Variants in TACO1 observed in about 807,000 individuals in gnomAD.
TACO1 encodes translational activator of cytochrome c oxidase 1.
TACO1 carries 13 observed loss-of-function variants against 24.0 expected under a neutral mutation model. The observed-to-expected ratio is 0.54, with a 90% confidence interval of 0.35 to 0.86. The LOEUF (loss-of-function observed/expected upper bound fraction) is 0.86. TACO1 is among the 40% of genes least tolerant of loss of function. The pLI is 0.01. For synonymous variants in TACO1, 149 were observed against 153.5 expected, an observed-to-expected ratio of 0.97 and a Z score of 0.22; for missense variants, 352 against 380.1, an observed-to-expected ratio of 0.93 and a Z score of 0.61.
In TACO1 at chr17:63,607,925, C is replaced by T; in HGVS notation, c.817C>T (p.Leu273=). ...AAAGGTGCAGCTGGCTGAGCCCGAC[C>T]TGGAACAGGCCGCACATCTCATTCA... ...NSKVQLAEPD[L]EQAAHLIQAL... is the part of the protein sequence containing the mutation. The change falls in exon 5 of 5, where the codon CTG becomes TTG. Residue 273 remains leucine (L), a synonymous_variant. Transcript: ENST00000258975. 1 of 1,614,232 alleles carries T rather than the reference C, an allele frequency of 6.2e-7. No individual in the cohort carries two copies.
intron 2 of TACO1, among the ~76,000 whole-genome samples, chr17:63,605,515 G>T (rs73333832): frequency 1.3e-5 from 2 of 152,172 alleles, no homozygotes; most frequent in African/African-American, 4.8e-5. Context: ...ACCACCGTAA[G>T]TAGAAACTGA....
intron 1 of TACO1, among the ~76,000 whole-genome samples, chr17:63,604,135 C>T (rs984235943): frequency 2.6e-5 from 4 of 151,320 alleles, no homozygotes; most frequent in Admixed American, 6.6e-5. Context: ...GTCAGGAGTT[C>T]GAGACCAGCC....
At chr17:63,607,737 G>A in intron 4 of TACO1, 65 bp from the exon 5 acceptor site, 1 of 1,448,824 alleles carries the variant, frequency 6.9e-7, no homozygotes, top group Non-Finnish European at 9.6e-7. Context: ...GACTTTGCAA[G>A]GTCCTGTGTG....
chr17:63,607,625 T>C (rs1176918280), intron 4 of TACO1, among the ~76,000 whole-genome samples, 161 bp downstream of exon 4: 1 of 152,168 alleles, frequency 6.6e-6, no homozygotes, highest in Non-Finnish European at 1.5e-5. Flanking sequence ...TAGGACCGAC[T>C]CTAGTGAGGA....
At chr17:63,605,203 G>C (rs781260293) in intron 2 of TACO1, among the ~76,000 whole-genome samples, 1 of 152,016 alleles carries the variant, frequency 6.6e-6, no homozygotes, top group Non-Finnish European at 1.5e-5. Flanking sequence ...AGGGAGATGA[G>C]GTATTATAGA....
At chr17:63,604,323 G>A (rs2147787497) in intron 1 of TACO1, among the ~76,000 whole-genome samples, 1 of 152,288 alleles carries the variant, frequency 6.6e-6, no homozygotes, top group Middle Eastern at 3.4e-3. Flanking sequence ...GCAACAGAGT[G>A]AGACTCCATC....
rs778960378 is a variant in TACO1, at chr17:63,604,550, T to G, written c.297T>G (p.Pro99=). 48 of 1,613,990 alleles carry G rather than the reference T, an allele frequency of 3.0e-5. No individual in the cohort carries two copies. Among genetic ancestry groups the G allele is most frequent in the Non-Finnish European group, 3.7e-5 (44 of 1,180,006 alleles). The stretch of plus-strand genomic sequence containing the variant: ...AAATCTCAGAAGGAGGCCCCAACCC[T>G]GAGCACAACAGCAACCTGGCCAATA... ...RLAVKEGGPN[P]EHNSNLANIL... The change falls in exon 2 of 5, where the codon CCT becomes CCG. Residue 99 remains proline, a synonymous_variant. Transcript: ENST00000258975.
At position 63,600,922 on chromosome 17, in the gene TACO1, G is replaced by A; in HGVS notation, c.-162G>A. The stretch of plus-strand genomic sequence containing the variant: ...TCCCGGGTGCCGCGGGGACAGTGTA[G>A]GGTCATTAGCTGTTGAGCCGCCCCG... On this transcript the variant is annotated 5_prime_UTR_variant, in exon 1 of 5. Coordinates refer to ENST00000258975, the MANE Select transcript of TACO1 (RefSeq NM_016360.4). 1.4e-6 allele frequency: 1 copy of A among 737,124 alleles called. No homozygotes were observed. Among genetic ancestry groups the A allele is most frequent in the Non-Finnish European group, 2.2e-6 (1 of 449,030 alleles). 45.7% of individuals were successfully genotyped at this position (737,124 alleles called of 1,614,324 possible).
rs547439996 is a variant in TACO1, at chr17:63,602,708, T to C, written c.280+1345T>C. Among the ~76,000 whole-genome samples, 4 of 151,972 alleles carry C rather than the reference T, an allele frequency of 2.6e-5. No homozygotes were observed. In the East Asian group the frequency reaches 5.8e-4, roughly 22 times the overall value. On this transcript the variant is annotated intron_variant, in intron 1 of 4. Transcript: ENST00000258975. ...TGCCTGGCTAAATTTTTTTGTATTT[T>C]TAATAGAGACAGGGTTTCACCATGT...
intron 4 of TACO1, 72 bp downstream of exon 4, chr17:63,607,536 G>C: frequency 4.6e-6 from 7 of 1,523,546 alleles, no homozygotes; most frequent in Non-Finnish European, 6.4e-6. Context: ...CATGCCTCTT[G>C]GTTTCTTCCT....
chr17:63,604,347 CAA>C (rs1402486591), intron 1 of TACO1, among the ~76,000 whole-genome samples, 185 bp from the exon 2 acceptor site: 1 of 151,908 alleles, frequency 6.6e-6, no homozygotes, highest in South Asian at 2.1e-4. Context: ...AAAAACAAAC[CAA>C]AAAAACCCGA....
intron 1 of TACO1, among the ~76,000 whole-genome samples, chr17:63,603,752 A>C (rs1192794192): frequency 6.6e-6 from 1 of 151,764 alleles, no homozygotes; most frequent in African/African-American, 2.4e-5. Flanking sequence ...ATGGTGGCCC[A>C]CACCTGTAAT....
rs532972754 is a variant in TACO1, at chr17:63,600,950, C to A, written c.-134C>A. 2.9e-6 allele frequency: 3 copies of A among 1,050,460 alleles called. No individual in the cohort carries two copies. The highest frequency in any genetic ancestry group is 4.1e-6 in the Non-Finnish European group (3 of 724,926). 65.1% of individuals were successfully genotyped at this position (1,050,460 alleles called of 1,614,324 possible). On this transcript the variant is annotated 5_prime_UTR_variant, in exon 1 of 5. Transcript: ENST00000258975. ...TCATTAGCTGTTGAGCCGCCCCGGG[C>A]GGGCCCAAGCCTTTGGATCTCAGGT... is the stretch of plus-strand genomic sequence containing the variant.
rs1598045647 is a variant in TACO1 at position 63,606,438 on chromosome 17, TG to T, written c.515+1del. On this transcript the variant is annotated frameshift_variant and splice_region_variant, in exon 3 of 5. Coordinates refer to ENST00000258975, the MANE Select transcript of TACO1 (RefSeq NM_016360.4). LOFTEE classifies it high-confidence loss of function. ...ADIRHILNKN[G>X]GVMAVGARHS... ...ACATTAGACATATCCTGAATAAGAA[TG>T]GGTAAGTGTGCGTCTGGGAGGAGTG... The T allele has an allele frequency of 6.2e-7, 1 of 1,614,098 alleles. No homozygotes were observed. The highest frequency in any genetic ancestry group is 2.2e-5 in the East Asian group (1 of 44,878).
Position 63,607,280 on chromosome 17 carries a change from C to G in TACO1, c.516-7C>G, listed in dbSNP as rs774067421. On this transcript the variant is annotated splice_polypyrimidine_tract_variant and splice_region_variant and intron_variant, in intron 3 of 4. Transcript: ENST00000258975. The stretch of plus-strand genomic sequence containing the variant: ...CACTCATGCCAGCCTGTTTCCTTCC[C>G]TGTCAGAGGAGTGATGGCTGTAGGA... 1.9e-6 allele frequency: 3 copies of G among 1,613,262 alleles called. No individual in the cohort carries two copies. In the South Asian group the frequency reaches 3.3e-5, roughly 18 times the overall value.
intron 2 of TACO1, among the ~76,000 whole-genome samples, chr17:63,605,096 T>C (rs1388660307): frequency 6.6e-6 from 1 of 151,842 alleles, no homozygotes; most frequent in Non-Finnish European, 1.5e-5. Flanking sequence ...GAGCTCACCG[T>C]CCTTGGTCAT....
rs1338089030 is a variant in TACO1 at position 63,604,706 on chromosome 17, A to G, written c.387+66A>G. The G allele has an allele frequency of 3.6e-6, 5 of 1,388,980 alleles. No homozygotes were observed. The African/African-American group carries it at 4.3e-5, about 12-fold the overall frequency. The allele number at this position is 1,388,980 out of a possible 1,614,324, so 86.0% of individuals were successfully genotyped here. A position where few individuals can be genotyped will look rare whatever the true frequency, so the allele number is the denominator to read the frequency against. On this transcript the variant is annotated intron_variant, in intron 2 of 4. Coordinates refer to ENST00000258975, the MANE Select transcript of TACO1 (RefSeq NM_016360.4). ...TACCGGGCTCATGTCTGGATGGCCA[A>G]CAAACACACTGTAAATTATCAGAGG...
intron 1 of TACO1, among the ~76,000 whole-genome samples, chr17:63,602,237 TG>T (rs1438202570): frequency 7.4e-6 from 1 of 134,574 alleles, no homozygotes; most frequent in African/African-American, 2.8e-5. Flanking sequence ...CCATCCAGCC[TG>T]GGTGACAGAG....
chr17:63,603,497 G>A (rs529367834), intron 1 of TACO1, among the ~76,000 whole-genome samples: 36 of 152,230 alleles, frequency 2.4e-4, no homozygotes, highest in African/African-American at 8.4e-4. Context: ...CTTGAGGTCA[G>A]GAGTTCGAGA....
Sources: gnomAD v4.1 joint callset for allele counts (sites outside exome capture counted in the v4.1 genomes callset) on GRCh38, gnomAD v4.1.1 for gene constraint, MANE v1.5 for transcripts, NCBI Gene and HGNC (gene_info 2026-07-23, HGNC 2026-07-21) for gene names.